The following MYO1H variants were observed in gnomAD, a reference collection of about 807,000 sequenced individuals.
MYO1H encodes the protein unconventional myosin-Ih.
A neutral mutation model predicts 149.3 loss-of-function variants in MYO1H; 118 were observed. The observed-to-expected ratio is 0.79, with a 90% confidence interval of 0.68 to 0.92. The LOEUF (loss-of-function observed/expected upper bound fraction) is 0.92, where lower values mean the gene tolerates loss of function less well. Among genes scored for constraint, MYO1H ranks in the 40% least tolerant of loss-of-function variants. The pLI, the probability that MYO1H is intolerant of heterozygous loss-of-function variation, is 0.00. For missense variants in MYO1H, 1,212 were observed against 1,280.7 expected, an observed-to-expected ratio of 0.95 and a Z score of 0.82; for synonymous variants, 447 against 465.2, an observed-to-expected ratio of 0.96 and a Z score of 0.50.
In MYO1H at chr12:109,432,881, C is replaced by T. The variant is rs776137369; in HGVS notation, c.1950-16C>T. 6.2e-7 allele frequency: 1 copy of T among 1,607,646 alleles called. No homozygotes were observed. Among genetic ancestry groups the T allele is most frequent in the South Asian group, 1.1e-5 (1 of 90,938 alleles). ...AGGTACGGTCACAGCTTCTCCATGT[C>T]CATCTCCTCTCCTAGGTACAAGTCC... On this transcript the variant is annotated splice_polypyrimidine_tract_variant and intron_variant, in intron 19 of 31. Transcript: ENST00000310903.
intron 1 of MYO1H, among the ~76,000 whole-genome samples, chr12:109,349,153 C>T (rs1055559289): frequency 1.3e-5 from 2 of 152,134 alleles, no homozygotes; most frequent in Admixed American, 6.5e-5. Context: ...GTAGGTCTTG[C>T]AGTGAAAGAC....
intron 1 of MYO1H, among the ~76,000 whole-genome samples, chr12:109,355,517 G>T (rs940926805): frequency 2.6e-5 from 4 of 152,062 alleles, no homozygotes; most frequent in African/African-American, 9.7e-5. Context: ...TACCCTTATA[G>T]AAATTATCTA....
At chr12:109,401,363 C>T in intron 6 of MYO1H, 91 bp downstream of exon 6, 1 of 1,303,530 alleles carries the variant, frequency 7.7e-7, no homozygotes, top group Non-Finnish European at 1.0e-6. Flanking sequence ...TTGAGACATT[C>T]TATTACCATC....
chr12:109,354,543 C>G (rs906088284), intron 1 of MYO1H: 1 of 151,342 alleles, frequency 6.6e-6, no homozygotes, highest in Non-Finnish European at 1.5e-5. Context: ...TCGCTTTAAC[C>G]CAGGAGGTGG....
At chr12:109,395,308 T>G (rs1869842841) in intron 3 of MYO1H, among the ~76,000 whole-genome samples, 1 of 152,256 alleles carries the variant, frequency 6.6e-6, no homozygotes, top group Admixed American at 6.5e-5. Context: ...TTGAATTGAA[T>G]TATTTAGTAT....
At chr12:109,318,908 G>GC in the MYO1H span, among the ~76,000 whole-genome samples, 66 of 151,376 alleles carry the variant, frequency 4.4e-4, no homozygotes, top group South Asian at 0.012. Flanking sequence ...GAAATGATGG[G>GC]CGGGAGTGAG....
intron 1 of MYO1H, among the ~76,000 whole-genome samples, chr12:109,368,640 TAAAAAAA>T (rs56146617): frequency 1.8e-5 from 2 of 113,212 alleles, no homozygotes; most frequent in African/African-American, 3.2e-5. Flanking sequence ...GACTCCATCT[TAAAAAAA>T]AAAAAAAAAA....
At chr12:109,318,560 G>T in the MYO1H span, among the ~76,000 whole-genome samples, 1 of 152,144 alleles carries the variant, frequency 6.6e-6, no homozygotes, top group Non-Finnish European at 1.5e-5. Context: ...AGGCACAGAG[G>T]TGCTTCACCT....
exon 3 of MYO1H, chr12:109,393,344 C>T: frequency 5.7e-6 from 9 of 1,575,256 alleles, no homozygotes; most frequent in Non-Finnish European, 7.8e-6. Context: ...TATATTGGCA[C>T]CCTCCTTGTG....
chr12:109,407,195 G>C (rs550723950), intron 9 of MYO1H, among the ~76,000 whole-genome samples: 2 of 152,156 alleles, frequency 1.3e-5, no homozygotes, highest in African/African-American at 4.8e-5. Flanking sequence ...CTTCCTCAAG[G>C]AGCCTTCTCT....
chr12:109,412,628 C>T (rs1406478700), intron 14 of MYO1H, among the ~76,000 whole-genome samples: 1 of 151,798 alleles, frequency 6.6e-6, no homozygotes, highest in African/African-American at 2.4e-5. Flanking sequence ...TTGTATGTGC[C>T]TGTGTAACCA....
chr12:109,437,639 G>A (rs1378663170), intron 22 of MYO1H, among the ~76,000 whole-genome samples: 1 of 152,194 alleles, frequency 6.6e-6, no homozygotes, highest in African/African-American at 2.4e-5. Context: ...GTGGCAGGCT[G>A]TAGTGGGCCA....
At chr12:109,313,243 T>A in the MYO1H span, among the ~76,000 whole-genome samples, 1 of 151,942 alleles carries the variant, frequency 6.6e-6, no homozygotes, top group East Asian at 1.9e-4. Context: ...TGAGAACCTG[T>A]CTCAAAAAAA....
intron 1 of MYO1H, among the ~76,000 whole-genome samples, chr12:109,363,769 C>A (rs116281953): frequency 0.053 from 8,066 of 152,028 alleles, 690 homozygotes; most frequent in African/African-American, 0.18. Flanking sequence ...GAAGATGTAC[C>A]TCTGGGAGAA....
chr12:109,318,966 GGTTTTGTTTTTT>G, the MYO1H span, among the ~76,000 whole-genome samples: 1 of 61,238 alleles, frequency 1.6e-5, no homozygotes, highest in African/African-American at 7.5e-5. Context: ...CTGCGTTTTT[GGTTTTGTTTTTT>G]TTTTTTTTTT....
rs543469567 is a variant in MYO1H, at chr12:109,417,439, T to G, written c.1597+1819T>G. On this transcript the variant is annotated intron_variant, in intron 15 of 31. Coordinates refer to ENST00000310903, the Ensembl canonical transcript of MYO1H. ...GCCTCCTGGGTTCACGCCATTCTCC[T>G]GCCTCAGCCTCCCAAGTAGCTGGGA... Among the ~76,000 whole-genome samples the G allele has an allele frequency of 3.3e-5, 5 of 152,128 alleles. No homozygotes were observed. In the South Asian group the frequency reaches 1.0e-3, roughly 32 times the overall value.
chr12:109,346,009 A>C (rs1262269398), upstream of MYO1H, among the ~76,000 whole-genome samples: 1 of 152,194 alleles, frequency 6.6e-6, no homozygotes, highest in Non-Finnish European at 1.5e-5. Flanking sequence ...AATGTTCTTG[A>C]ATTAAATAGT....
In MYO1H at chr12:109,349,497, C is replaced by CCAAA. The variant is rs150233595; in HGVS notation, c.12+1525_12+1526insCAAA. 1.3e-3 allele frequency among the ~76,000 whole-genome samples: 195 copies of CCAAA among 144,504 alleles called. 3 individuals carry two copies. Among genetic ancestry groups the CCAAA allele is most frequent in the Non-Finnish European group, 1.9e-3 (129 of 66,412 alleles). The allele number at this position is 144,504 out of a possible 152,430, so 94.8% of individuals were successfully genotyped here. ...GAGCAACATAGTGTGACCCCCCCAC[C>CCAAA]AAAAAAATTAAAAAGTAGCTAGATA... On this transcript the variant is annotated intron_variant, in intron 1 of 31. Transcript: ENST00000310903.
chr12:109,409,033 C>T (rs111702982), intron 10 of MYO1H, among the ~76,000 whole-genome samples: 5,605 of 152,014 alleles, frequency 0.037, 322 homozygotes, highest in African/African-American at 0.13. Context: ...ACAAGTGATC[C>T]GCCTGCCTCA....
Sources: allele counts gnomAD v4.1 joint callset (sites outside exome capture counted in the v4.1 genomes callset), GRCh38; gene constraint gnomAD v4.1.1; transcripts MANE v1.5; gene names NCBI Gene and HGNC (gene_info 2026-07-23, HGNC 2026-07-21).